Variants in R3HCC1L observed in about 807,000 individuals in gnomAD.
R3HCC1L encodes the protein R3H domain and coiled-coil containing 1 like, also known as coiled-coil domain-containing protein R3HCC1L.
A neutral mutation model predicts 59.9 loss-of-function variants in R3HCC1L; 51 were observed. The ratio of observed to expected loss-of-function variants is 0.85; its 90% confidence interval spans 0.68 to 1.07. The LOEUF (loss-of-function observed/expected upper bound fraction) is 1.07. R3HCC1L is among the 50% of genes least tolerant of loss of function. R3HCC1L has a pLI of 0.00. For synonymous variants in R3HCC1L, 322 were observed against 315.2 expected, an observed-to-expected ratio of 1.02 and a Z score of -0.23; for missense variants, 965 against 933.0, an observed-to-expected ratio of 1.03 and a Z score of -0.45.
At chr10:98,231,014 C>A (rs771771132) in intron 5 of R3HCC1L, 2 of 418,932 alleles carry the variant, frequency 4.8e-6, no homozygotes, top group Non-Finnish European at 4.7e-6. Flanking sequence ...GCTGTCTCCT[C>A]ACCCTTTAAT....
intron 4 of R3HCC1L, among the ~76,000 whole-genome samples, chr10:98,178,890 T>A (rs1849332110): frequency 1.3e-5 from 2 of 152,212 alleles, no homozygotes; most frequent in South Asian, 4.1e-4. Context: ...GTAGGAATGC[T>A]TGTGATTTTT....
intron 4 of R3HCC1L, among the ~76,000 whole-genome samples, chr10:98,179,561 G>C (rs949543470): frequency 1.3e-5 from 2 of 152,146 alleles, no homozygotes; most frequent in Non-Finnish European, 2.9e-5. Context: ...TTGGTATCAG[G>C]ATGATGCTGG....
intron 9 of R3HCC1L, among the ~76,000 whole-genome samples, chr10:98,242,868 G>T (rs1857690004): frequency 6.6e-6 from 1 of 152,176 alleles, no homozygotes; most frequent in Admixed American, 6.5e-5. Context: ...AGACAAACCA[G>T]TTATCCTTTG....
Position 98,156,089 on chromosome 10 carries a change from C to G in R3HCC1L, c.-267-4C>G, listed in dbSNP as rs933116961. 4.7e-5 allele frequency: 7 copies of G among 149,544 alleles called. No homozygotes were observed. Among genetic ancestry groups the G allele is most frequent in the African/African-American group, 1.5e-4 (6 of 40,614 alleles). The allele number at this position is 149,544 out of a possible 1,614,324, so 9.3% of individuals were successfully genotyped here. The stretch of plus-strand genomic sequence containing the variant: ...TTTTTAATTCTTGGAAATTTCTCTT[C>G]TAGAGACTTCCAGTGTCCTACTATT... On this transcript the variant is annotated splice_polypyrimidine_tract_variant and splice_region_variant and intron_variant, in intron 1 of 9. Coordinates refer to ENST00000298999, the MANE Select transcript of R3HCC1L (RefSeq NM_001351015.2).
intron 9 of R3HCC1L, among the ~76,000 whole-genome samples, chr10:98,240,577 C>T (rs1250652067): frequency 1.3e-5 from 2 of 152,174 alleles, no homozygotes; most frequent in Non-Finnish European, 2.9e-5. Flanking sequence ...AACAGTAGCC[C>T]GCTCACCTAG....
chr10:98,190,094 T>C (rs117477047), intron 4 of R3HCC1L, among the ~76,000 whole-genome samples: 1 of 152,198 alleles, frequency 6.6e-6, no homozygotes, highest in Non-Finnish European at 1.5e-5. Context: ...AGATTACTTA[T>C]ACCTAATACA....
At chr10:98,176,864 T>C (rs999303835) in intron 4 of R3HCC1L, among the ~76,000 whole-genome samples, 1 of 152,100 alleles carries the variant, frequency 6.6e-6, no homozygotes, top group South Asian at 2.1e-4. Flanking sequence ...TTTTTGTAGA[T>C]AACATTTATC....
chr10:98,153,705 G>C (rs553756263), intron 1 of R3HCC1L, among the ~76,000 whole-genome samples: 28 of 150,112 alleles, frequency 1.9e-4, no homozygotes, highest in Non-Finnish European at 3.8e-4. Flanking sequence ...TGGACTGTTT[G>C]TGGCAATAAG....
chr10:98,198,596 A>G (rs986447348), intron 4 of R3HCC1L, among the ~76,000 whole-genome samples: 6 of 151,640 alleles, frequency 4.0e-5, no homozygotes, highest in African/African-American at 1.5e-4. Flanking sequence ...GTTGGAGCTG[A>G]CTTTTGCCTC....
intron 1 of R3HCC1L, among the ~76,000 whole-genome samples, chr10:98,135,739 C>G (rs1360534657): frequency 6.6e-6 from 1 of 152,208 alleles, no homozygotes; most frequent in Non-Finnish European, 1.5e-5. Flanking sequence ...AATTTAGACT[C>G]TTCTTCCTCA....
rs190600249 is a variant in R3HCC1L at position 98,201,945 on chromosome 10, G to T, written c.-14-6156G>T. The stretch of plus-strand genomic sequence containing the variant: ...TACCTTGCCCAAGCTGGAGTGTAGT[G>T]GTTGTTCATCCACAGGCACAGTCAT... On this transcript the variant is annotated intron_variant, in intron 4 of 9. Transcript: ENST00000298999. Among the ~76,000 whole-genome samples, 5 of 150,192 alleles carry T rather than the reference G, an allele frequency of 3.3e-5. No individual in the cohort carries two copies. In the East Asian group the frequency reaches 9.8e-4, roughly 29 times the overall value.
chr10:98,176,275 C>A (rs1849009739), intron 4 of R3HCC1L, among the ~76,000 whole-genome samples: 2 of 152,108 alleles, frequency 1.3e-5, no homozygotes, highest in Non-Finnish European at 2.9e-5. Context: ...CTCTTCATAT[C>A]CATTTTAAAA....
At chr10:98,172,844 A>G (rs1848647388) in intron 4 of R3HCC1L, among the ~76,000 whole-genome samples, 1 of 152,134 alleles carries the variant, frequency 6.6e-6, no homozygotes, top group Non-Finnish European at 1.5e-5. Flanking sequence ...ATTTGACTAA[A>G]CTTGGGATGA....
At chr10:98,236,235 A>AT (rs1856943641) in intron 9 of R3HCC1L, 71 bp downstream of exon 9, 1 of 1,549,664 alleles carries the variant, frequency 6.5e-7, no homozygotes, top group Non-Finnish European at 8.7e-7. Flanking sequence ...TTAAAAAAAA[A>AT]TGAATGAAGC....
At chr10:98,202,399 G>A (rs1399401164) in intron 4 of R3HCC1L, among the ~76,000 whole-genome samples, 1 of 152,134 alleles carries the variant, frequency 6.6e-6, no homozygotes, top group African/African-American at 2.4e-5. Flanking sequence ...GATGATCAAA[G>A]TTAAGAGCAT....
At chr10:98,227,639 T>A (rs1449504246) in intron 5 of R3HCC1L, among the ~76,000 whole-genome samples, 1 of 151,778 alleles carries the variant, frequency 6.6e-6, no homozygotes, top group South Asian at 2.1e-4. Flanking sequence ...CGTGCAGGTT[T>A]GTTACATATG....
intron 4 of R3HCC1L, among the ~76,000 whole-genome samples, chr10:98,168,730 C>T (rs1382303650): frequency 1.3e-5 from 2 of 152,118 alleles, no homozygotes; most frequent in African/African-American, 2.4e-5. Context: ...ATACCATCTG[C>T]AGTTGGTATT....
intron 1 of R3HCC1L, among the ~76,000 whole-genome samples, chr10:98,143,261 A>G (rs368830409): frequency 6.6e-6 from 1 of 152,234 alleles, no homozygotes; most frequent in Admixed American, 6.5e-5. Context: ...GAAGGAAAAG[A>G]AATAGTCTTG....
chr10:98,236,203 G>T (rs1328082684), intron 9 of R3HCC1L, 39 bp downstream of exon 9: 9 of 1,605,806 alleles, frequency 5.6e-6, no homozygotes, highest in Non-Finnish European at 7.6e-6. Flanking sequence ...AGGCCCTTCA[G>T]AACTCACTGT....
Sources: gnomAD v4.1 joint callset for allele counts (sites outside exome capture counted in the v4.1 genomes callset) on GRCh38, gnomAD v4.1.1 for gene constraint, MANE v1.5 for transcripts, NCBI Gene and HGNC (gene_info 2026-07-23, HGNC 2026-07-21) for gene names.